Variants in ANO3 observed in about 807,000 individuals in gnomAD.
The protein encoded by ANO3 is anoctamin-3.
ANO3 carries 99 observed loss-of-function variants against 144.8 expected under a neutral mutation model. The observed-to-expected ratio is 0.68, with a 90% confidence interval of 0.58 to 0.81. The LOEUF is 0.81. Ranked by LOEUF, ANO3 falls within the 30% of genes least tolerant of loss-of-function variation. The pLI, the probability that ANO3 is intolerant of heterozygous loss-of-function variation, is 0.00. For missense variants in ANO3, 905 were observed against 1,202.2 expected, an observed-to-expected ratio of 0.75 and a Z score of 3.66; for synonymous variants, 414 against 392.6, an observed-to-expected ratio of 1.05 and a Z score of -0.64.
chr11:26,564,738 T>A (rs1383679589), intron 14 of ANO3, among the ~76,000 whole-genome samples: 1 of 21,700 alleles, frequency 4.6e-5, no homozygotes, highest in East Asian at 1.5e-3. Context: ...CACACATATA[T>A]ATATATATAT....
chr11:26,189,317 T>C, exon 1 of ANO3: 1 of 985,414 alleles, frequency 1.0e-6, no homozygotes, highest in Non-Finnish European at 1.2e-6. Context: ...AGCACTCCAG[T>C]TCTGTCCCGA....
chr11:26,265,669 A>G (rs370562314), intron 1 of ANO3, among the ~76,000 whole-genome samples: 1 of 152,332 alleles, frequency 6.6e-6, no homozygotes, highest in South Asian at 2.1e-4. Context: ...TACAGTAAGC[A>G]TTATAGCCCT....
chr11:26,657,471 A>G (rs1853724602), intron 26 of ANO3, among the ~76,000 whole-genome samples: 1 of 152,024 alleles, frequency 6.6e-6, no homozygotes, highest in African/African-American at 2.4e-5. Context: ...TTCTCCCCCC[A>G]TCTTATTTTG....
In ANO3 at chr11:26,363,889, A is replaced by G. The variant is rs182220094; in HGVS notation, c.46+31568A>G. On this transcript the variant is annotated intron_variant, in intron 1 of 26. Transcript: ENST00000256737. ...TCATATAGCAAAATAAGAAGGAACCATAGACTTTTGAGAACATAAAAGATT... is the reference window on the plus strand; with the variant it reads ...TCATATAGCAAAATAAGAAGGAACCGTAGACTTTTGAGAACATAAAAGATT... Among the ~76,000 whole-genome samples, 5 of 152,246 alleles carry G rather than the reference A, an allele frequency of 3.3e-5. No homozygotes were observed. The East Asian group carries it at 9.7e-4, about 29-fold the overall frequency.
intron 1 of ANO3, among the ~76,000 whole-genome samples, chr11:26,261,345 T>A (rs192469068): frequency 4.5e-4 from 68 of 152,366 alleles, no homozygotes; most frequent in Admixed American, 1.6e-3. Context: ...TGTACTAGTT[T>A]CTGATCCTTA....
upstream of ANO3, among the ~76,000 whole-genome samples, chr11:26,309,369 C>T (rs150365524): frequency 5.9e-5 from 9 of 152,214 alleles, no homozygotes; most frequent in East Asian, 1.4e-3. Flanking sequence ...ATTGGAAAAT[C>T]TGTCCATTCT....
chr11:26,610,447 A>T (rs2132963867), intron 17 of ANO3, among the ~76,000 whole-genome samples: 1 of 151,838 alleles, frequency 6.6e-6, no homozygotes, highest in South Asian at 2.1e-4. Flanking sequence ...TCTGCACATA[A>T]ACCCCTTGTC....
chr11:26,207,653 T>C (rs1030225010), intron 1 of ANO3, among the ~76,000 whole-genome samples: 1 of 152,044 alleles, frequency 6.6e-6, no homozygotes, highest in Non-Finnish European at 1.5e-5. Flanking sequence ...ATTAACAAGA[T>C]CACACAATTT....
chr11:26,283,689 A>G (rs996180966), intron 1 of ANO3, among the ~76,000 whole-genome samples: 47 of 152,140 alleles, frequency 3.1e-4, no homozygotes, highest in Admixed American at 3.0e-3. Context: ...TTATCTATTC[A>G]ATAGAGACTT....
chr11:26,311,125 G>A (rs1223140290), intron 1 of ANO3, among the ~76,000 whole-genome samples: 1 of 152,178 alleles, frequency 6.6e-6, no homozygotes, highest in Non-Finnish European at 1.5e-5. Context: ...AGTAAAAACA[G>A]ATTCTGGGAT....
upstream of ANO3, among the ~76,000 whole-genome samples, chr11:26,329,408 C>T (rs1326875560): frequency 6.6e-6 from 1 of 151,906 alleles, no homozygotes; most frequent in South Asian, 2.1e-4. Flanking sequence ...ATTTCCTCGG[C>T]CCCTCACAAA....
chr11:26,449,033 C>T (rs1046179144), intron 3 of ANO3, among the ~76,000 whole-genome samples: 1 of 152,158 alleles, frequency 6.6e-6, no homozygotes, highest in African/African-American at 2.4e-5. Context: ...CCAGGTTTCC[C>T]ATTACATTTA....
intron 4 of ANO3, among the ~76,000 whole-genome samples, chr11:26,471,493 A>G (rs1246941293): frequency 2.0e-5 from 3 of 151,964 alleles, no homozygotes; most frequent in African/African-American, 4.8e-5. Context: ...AAATAATAAT[A>G]AGTAGACTAA....
chr11:26,542,175 A>G, intron 11 of ANO3, 107 bp downstream of exon 11: 1 of 1,261,972 alleles, frequency 7.9e-7, no homozygotes. Context: ...AGTCTACAAA[A>G]AAGCAACCAC....
At position 26,467,169 on chromosome 11, in the gene ANO3, G is replaced by A. The variant is rs187781162; in HGVS notation, c.432+4021G>A. On this transcript the variant is annotated intron_variant, in intron 4 of 26. Transcript: ENST00000256737. The stretch of plus-strand genomic sequence containing the variant: ...GTTTTAAACAGTTTAATTTTTCTGG[G>A]TACAGAGTAAATGTATATATTTATG... Among the ~76,000 whole-genome samples, 6 of 151,862 alleles carry A rather than the reference G, an allele frequency of 4.0e-5. No individual in the cohort carries two copies. The East Asian group carries it at 1.2e-3, about 30-fold the overall frequency.
intron 1 of ANO3, among the ~76,000 whole-genome samples, chr11:26,402,965 T>C (rs1211350469): frequency 6.6e-6 from 1 of 152,016 alleles, no homozygotes; most frequent in East Asian, 1.9e-4. Flanking sequence ...ATCATAATTG[T>C]TTGATATGTC....
intron 10 of ANO3, among the ~76,000 whole-genome samples, 182 bp downstream of exon 10, chr11:26,537,643 C>G (rs1249945582): frequency 2.0e-5 from 3 of 152,158 alleles, no homozygotes; most frequent in African/African-American, 7.2e-5. Context: ...GCCTCAAAGC[C>G]TGTCTTCAAT....
chr11:26,385,600 TCAC>T (rs764244480), intron 1 of ANO3, among the ~76,000 whole-genome samples: 7 of 152,136 alleles, frequency 4.6e-5, no homozygotes, highest in Non-Finnish European at 8.8e-5. Flanking sequence ...TCTGCTTCCA[TCAC>T]CACATCTTAG....
At chr11:26,493,763 C>T (rs1271660536) in intron 4 of ANO3, among the ~76,000 whole-genome samples, 8 of 152,062 alleles carry the variant, frequency 5.3e-5, no homozygotes, top group African/African-American at 1.9e-4. Flanking sequence ...CCTTTCTCCT[C>T]CTCCTTCTTG....
Sources: allele counts gnomAD v4.1 joint callset (sites outside exome capture counted in the v4.1 genomes callset), GRCh38; gene constraint gnomAD v4.1.1; transcripts MANE v1.5; gene names NCBI Gene and HGNC (gene_info 2026-07-23, HGNC 2026-07-21).